The following TMEM108 variants were observed in gnomAD, a reference collection of about 807,000 sequenced individuals.
The protein encoded by TMEM108 is cancer/testis antigen 124.
A neutral mutation model predicts 35.1 loss-of-function variants in TMEM108; 12 were observed. That is an observed-to-expected ratio of 0.34 (90% confidence interval 0.22 to 0.55). TMEM108 has a LOEUF of 0.55. Among genes scored for constraint, TMEM108 ranks in the 20% least tolerant of loss-of-function variants. The pLI, the probability that TMEM108 is intolerant of heterozygous loss-of-function variation, is 0.89. For missense variants in TMEM108, 680 were observed against 753.3 expected, an observed-to-expected ratio of 0.90 and a Z score of 1.14; for synonymous variants, 287 against 308.6, an observed-to-expected ratio of 0.93 and a Z score of 0.73.
At chr3:133,092,909 G>A (rs147023642) in intron 2 of TMEM108, among the ~76,000 whole-genome samples, 76 of 151,818 alleles carry the variant, frequency 5.0e-4, no homozygotes, top group African/African-American at 1.8e-3. Flanking sequence ...AGTTCACTTA[G>A]TCATAGCTGA....
chr3:133,112,329 T>C (rs541000715), intron 2 of TMEM108, among the ~76,000 whole-genome samples: 3 of 152,162 alleles, frequency 2.0e-5, no homozygotes, highest in Admixed American at 1.3e-4. Flanking sequence ...CCCTATCTTC[T>C]TCCTAGTTAG....
At chr3:133,228,367 G>A (rs915894095) in intron 2 of TMEM108, among the ~76,000 whole-genome samples, 5 of 152,034 alleles carry the variant, frequency 3.3e-5, no homozygotes, top group South Asian at 2.1e-4. Context: ...TTTGCCTCTC[G>A]GCAGAGATGA....
intron 2 of TMEM108, among the ~76,000 whole-genome samples, chr3:133,175,934 G>A (rs1348506898): frequency 5.3e-5 from 8 of 152,264 alleles, no homozygotes; most frequent in African/African-American, 9.6e-5. Flanking sequence ...CCCATCTCAT[G>A]TGCAGAGACA....
At chr3:133,373,935 G>C (rs1044432734) in intron 3 of TMEM108, among the ~76,000 whole-genome samples, 15 of 152,246 alleles carry the variant, frequency 9.9e-5, no homozygotes, top group African/African-American at 3.4e-4. Flanking sequence ...GCAGTGGCCA[G>C]GGTCATCTTG....
chr3:133,369,172 G>C (rs2072585567), intron 3 of TMEM108, among the ~76,000 whole-genome samples: 1 of 152,194 alleles, frequency 6.6e-6, no homozygotes, highest in African/African-American at 2.4e-5. Flanking sequence ...GTCTCTGCGG[G>C]GAAGAGTCAC....
At chr3:133,150,478 A>T (rs1278451206) in intron 2 of TMEM108, among the ~76,000 whole-genome samples, 1 of 149,824 alleles carries the variant, frequency 6.7e-6, no homozygotes, top group African/African-American at 2.5e-5. Context: ...CCATTTGTTG[A>T]TTGTTTCCCT....
intron 3 of TMEM108, among the ~76,000 whole-genome samples, chr3:133,375,697 G>T (rs773416512): frequency 6.6e-6 from 1 of 152,204 alleles, no homozygotes; most frequent in Non-Finnish European, 1.5e-5. Context: ...CCATATTGAA[G>T]GTGACAGTAG....
At chr3:133,347,068 A>T (rs541848243) in intron 3 of TMEM108, among the ~76,000 whole-genome samples, 1 of 152,242 alleles carries the variant, frequency 6.6e-6, no homozygotes, top group South Asian at 2.1e-4. Context: ...GAAGTTGGAT[A>T]GTGTCAGTCT....
chr3:133,282,511 T>A (rs112408139), intron 3 of TMEM108, among the ~76,000 whole-genome samples: 128 of 152,354 alleles, frequency 8.4e-4, no homozygotes, highest in African/African-American at 3.1e-3. Flanking sequence ...CGTAAACTCT[T>A]CATCTCTGGT....
intron 3 of TMEM108, among the ~76,000 whole-genome samples, chr3:133,359,902 C>G (rs975339214): frequency 2.0e-5 from 3 of 150,140 alleles, no homozygotes; most frequent in Non-Finnish European, 4.4e-5. Context: ...TTCATAGCAG[C>G]TTTATTCATA....
At chr3:133,302,352 A>G (rs1947237927) in intron 3 of TMEM108, among the ~76,000 whole-genome samples, 2 of 151,712 alleles carry the variant, frequency 1.3e-5, no homozygotes, top group African/African-American at 4.8e-5. Context: ...AACTGCAGAT[A>G]TTCCAAAAAC....
intron 3 of TMEM108, among the ~76,000 whole-genome samples, chr3:133,314,000 C>G (rs1458857867): frequency 2.6e-5 from 4 of 152,096 alleles, no homozygotes; most frequent in Admixed American, 6.5e-5. Context: ...CCGCTATAAT[C>G]TAGTACAAAA....
chr3:133,160,676 C>G (rs942507003), intron 2 of TMEM108, among the ~76,000 whole-genome samples: 1 of 152,228 alleles, frequency 6.6e-6, no homozygotes, highest in Non-Finnish European at 1.5e-5. Context: ...CTTGCTGTCA[C>G]TGCTAACCTA....
At chr3:133,066,910 A>G (rs1035428253) in intron 2 of TMEM108, among the ~76,000 whole-genome samples, 1 of 152,030 alleles carries the variant, frequency 6.6e-6, no homozygotes, top group Non-Finnish European at 1.5e-5. Flanking sequence ...AAAATGAAAC[A>G]ATAATGTGCA....
chr3:133,096,358 G>C (rs1944014930), intron 2 of TMEM108, among the ~76,000 whole-genome samples: 1 of 152,118 alleles, frequency 6.6e-6, no homozygotes. Flanking sequence ...ATGGGGTCTT[G>C]CCATGTTGCC....
At chr3:133,305,505 A>G (rs2071019202) in intron 3 of TMEM108, among the ~76,000 whole-genome samples, 1 of 146,442 alleles carries the variant, frequency 6.8e-6, no homozygotes, top group Non-Finnish European at 1.5e-5. Flanking sequence ...CCTGAAATAT[A>G]AAGTATAATA....
intron 2 of TMEM108, among the ~76,000 whole-genome samples, chr3:133,144,513 G>A (rs1295643447): frequency 6.6e-6 from 1 of 152,158 alleles, no homozygotes; most frequent in Non-Finnish European, 1.5e-5. Flanking sequence ...GGGTCAAGTG[G>A]TATTTCTAGT....
chr3:133,257,128 G>A (rs138739537), intron 3 of TMEM108: 1 of 152,152 alleles, frequency 6.6e-6, no homozygotes, highest in African/African-American at 2.4e-5. Context: ...ATTTGAGATT[G>A]TCTCTTAATA....
Position 133,181,028 on chromosome 3 carries a change from A to C in TMEM108, c.-46-48238A>C, listed in dbSNP as rs868658476. ...TGTGTTAAAAAAAAAAAAAAAAAAA[A>C]AAAAAAAAAACAGCACTCCCAAAGC... is the stretch of plus-strand genomic sequence containing the variant. On this transcript the variant is annotated intron_variant, in intron 2 of 5. Coordinates refer to ENST00000321871, the MANE Select transcript of TMEM108 (RefSeq NM_023943.4). 2.8e-4 allele frequency among the ~76,000 whole-genome samples: 40 copies of C among 144,864 alleles called. 1 individual carries two copies. Among genetic ancestry groups the C allele is most frequent in the African/African-American group, 8.9e-4 (32 of 36,134 alleles).
Sources: gnomAD v4.1 joint callset for allele counts (sites outside exome capture counted in the v4.1 genomes callset) on GRCh38, gnomAD v4.1.1 for gene constraint, MANE v1.5 for transcripts, NCBI Gene and HGNC (gene_info 2026-07-23, HGNC 2026-07-21) for gene names.